The following EML6 variants were observed in gnomAD, a reference collection of about 807,000 sequenced individuals.
The protein encoded by EML6 is EMAP like 6, also known as echinoderm microtubule-associated protein-like 6.
Under a neutral mutation model 240.1 loss-of-function variants are expected in EML6, and 154 were observed. The ratio of observed to expected loss-of-function variants is 0.64; its 90% confidence interval spans 0.56 to 0.73. The LOEUF (loss-of-function observed/expected upper bound fraction) is 0.73, where lower values mean the gene tolerates loss of function less well. Among genes scored for constraint, EML6 ranks in the 30% least tolerant of loss-of-function variants. The probability of loss-of-function intolerance (pLI) is 0.00; values close to 1 mark genes in which losing one functional copy is unlikely to be tolerated. For missense variants in EML6, 2,964 were observed against 2,474.6 expected (o/e 1.20, Z -4.20); for synonymous variants, 1,148 against 899.0 (o/e 1.28, Z -4.95).
chr2:54,863,742 T>G, intron 12 of EML6, 41 bp from the exon 13 acceptor site: 1 of 1,040,338 alleles, frequency 9.6e-7, no homozygotes, highest in South Asian at 1.5e-5. Context: ...GCTCAGAGTC[T>G]CAGAATTTTT....
chr2:54,750,099 G>C (rs1684091606), intron 2 of EML6, among the ~76,000 whole-genome samples: 1 of 152,198 alleles, frequency 6.6e-6, no homozygotes, highest in South Asian at 2.1e-4. Context: ...GCAGGGCCCT[G>C]CCACGGTGAG....
chr2:54,841,903 T>A (rs903005583), intron 7 of EML6, among the ~76,000 whole-genome samples: 1 of 152,144 alleles, frequency 6.6e-6, no homozygotes, highest in East Asian at 1.9e-4. Context: ...ATTTTTTTTT[T>A]AATAGACTTT....
chr2:54,918,539 G>T (rs1674054942), intron 26 of EML6, among the ~76,000 whole-genome samples: 1 of 152,044 alleles, frequency 6.6e-6, no homozygotes, highest in Non-Finnish European at 1.5e-5. Flanking sequence ...TAGAGATGGG[G>T]TCTCACTATA....
chr2:54,861,850 C>G (rs373283463), intron 12 of EML6, among the ~76,000 whole-genome samples: 1 of 150,020 alleles, frequency 6.7e-6, no homozygotes, highest in Admixed American at 6.7e-5. Flanking sequence ...TCCAGATAAA[C>G]GAGCAAGACA....
At chr2:54,952,260 A>G (rs1360076207) in intron 30 of EML6, among the ~76,000 whole-genome samples, 1 of 152,128 alleles carries the variant, frequency 6.6e-6, no homozygotes, top group Non-Finnish European at 1.5e-5. Flanking sequence ...CATGGAGTGG[A>G]GGAGACTTTG....
rs988227191 is a variant in EML6, at chr2:54,859,534, G to C, written c.1658G>C (p.Gly553Ala). The C allele has an allele frequency of 2.6e-6, 4 of 1,547,348 alleles. No individual in the cohort carries two copies. The highest frequency in any genetic ancestry group is 3.5e-6 in the Non-Finnish European group (4 of 1,145,808). Residue 553 changes from glycine (G) to alanine (A), a missense_variant and splice_region_variant, in exon 12 of 42, where the codon GGA becomes GCA. Physicochemically the swap from Gly to Ala is moderately conservative, Grantham distance 60. Coordinates refer to ENST00000356458, the MANE Select transcript of EML6 (RefSeq NM_001039753.4). ...ATCCTCTCAAAAAATATTCTTTCAG[G>C]AGCCAAATTTAGAAAGTATGTGGGC... ...KLFKFPCLKR[G>A]AKFRKYVGHS... is the part of the protein sequence containing the mutation.
At chr2:54,891,205 TG>T in intron 18 of EML6, 51 bp downstream of exon 18, 3 of 943,578 alleles carry the variant, frequency 3.2e-6, no homozygotes, top group Non-Finnish European at 4.8e-6. Context: ...TTACCCTAGC[TG>T]GAAAGAAAAA....
In EML6 at chr2:54,910,984, G is replaced by A. The variant is rs1558677585; in HGVS notation, c.3440G>A (p.Arg1147Lys). ...GKLLQVNSGA[R>K]EQLFFEAPRG... is the part of the protein sequence containing the mutation. ...TTATTGCAAGTGAATTCAGGTGCCA[G>A]AGAACAACTTTTTTTTGAAGCTCCA... Residue 1147 changes from arginine (R) to lysine (K), a missense_variant, in exon 25 of 42, where the codon AGA (arginine) becomes AAA (lysine). Coordinates refer to ENST00000356458, the MANE Select transcript of EML6 (RefSeq NM_001039753.4). 2.0e-6 allele frequency: 3 copies of A among 1,537,944 alleles called. No individual in the cohort carries two copies.
At chr2:54,887,557 A>G (rs1672216352) in intron 17 of EML6, among the ~76,000 whole-genome samples, 3 of 152,060 alleles carry the variant, frequency 2.0e-5, no homozygotes, top group Admixed American at 2.0e-4. Context: ...TTGCTTTAAG[A>G]TTTTTGTATT....
Position 54,911,012 on chromosome 2 carries a change from A to G in EML6, c.3468A>G (p.Arg1156=). The G allele has an allele frequency of 6.5e-7, 1 of 1,539,742 alleles. No individual in the cohort carries two copies. Among genetic ancestry groups the G allele is most frequent in the South Asian group, 1.2e-5 (1 of 82,778 alleles). ...AREQLFFEAP[R]GKRHIIRPSE... ...AACAACTTTTTTTTGAAGCTCCAAG[A>G]GGCAAACGGCATATAATAAGACCTT... Residue 1156 remains arginine, a synonymous_variant, in exon 25 of 42, where the codon AGA becomes AGG. Transcript: ENST00000356458.
Position 54,948,928 on chromosome 2 carries a change from A to G in EML6, c.4051A>G (p.Asn1351Asp), listed in dbSNP as rs576026608. The change falls in exon 29 of 42, where the codon AAC becomes GAC. Residue 1351 changes from asparagine to aspartate, a missense_variant. Coordinates refer to ENST00000356458, the MANE Select transcript of EML6 (RefSeq NM_001039753.4). ...AAPQPEKLQK[N>D]NITKKKKLVE... is the part of the protein sequence containing the mutation. ...TCCCCAGCCTGAGAAACTGCAGAAG[A>G]ACAATATCACCAAAAAAAAGAAACT... is the stretch of plus-strand genomic sequence containing the variant. 23 of 1,551,422 alleles carry G rather than the reference A, an allele frequency of 1.5e-5. No individual in the cohort carries two copies. The highest frequency in any genetic ancestry group is 1.9e-5 in the Non-Finnish European group (22 of 1,146,972).
In EML6 at chr2:54,827,678, C is replaced by G. The variant is rs1204679652; in HGVS notation, c.638C>G (p.Ser213Cys). 2 of 1,551,458 alleles carry G rather than the reference C, an allele frequency of 1.3e-6. No individual in the cohort carries two copies. Among genetic ancestry groups the G allele is most frequent in the South Asian group, 1.2e-5 (1 of 84,060 alleles). The change falls in exon 6 of 42, where the codon TCT becomes TGT. Residue 213 changes from serine to cysteine, a missense_variant. Coordinates refer to ENST00000356458, the MANE Select transcript of EML6 (RefSeq NM_001039753.4). ...TGTGCCAAAGAAGACATCACCTACT[C>G]TGGTGCTTTAAATGGTGACATCTAT... is the stretch of plus-strand genomic sequence containing the variant. ...LACAKEDITY[S>C]GALNGDIYVW...
chr2:54,766,944 T>C (rs921282951), intron 2 of EML6, among the ~76,000 whole-genome samples: 1 of 152,204 alleles, frequency 6.6e-6, no homozygotes. Flanking sequence ...TGAATACTTT[T>C]CATGATGGAT....
intron 30 of EML6, among the ~76,000 whole-genome samples, chr2:54,952,176 AG>A (rs1676013887): frequency 6.6e-6 from 1 of 152,308 alleles, no homozygotes; most frequent in South Asian, 2.1e-4. Context: ...CATTTTGCTC[AG>A]TAAAGCATCA....
intron 11 of EML6, among the ~76,000 whole-genome samples, chr2:54,855,262 A>T (rs1221228767): frequency 6.6e-6 from 1 of 152,028 alleles, no homozygotes; most frequent in Non-Finnish European, 1.5e-5. Context: ...GGAAACTTAC[A>T]ATCATGGCAG....
intron 24 of EML6, among the ~76,000 whole-genome samples, chr2:54,910,235 A>G (rs1031047245): frequency 2.6e-5 from 4 of 152,224 alleles, no homozygotes; most frequent in African/African-American, 7.2e-5. Context: ...AAAAATGGCA[A>G]AAATACTGGA....
chr2:54,796,890 G>T (rs533933164), intron 2 of EML6, among the ~76,000 whole-genome samples: 1 of 152,032 alleles, frequency 6.6e-6, no homozygotes, highest in Admixed American at 6.6e-5. Flanking sequence ...ACAAGGCGGG[G>T]ATCCTTTAAA....
At chr2:54,818,680 CTG>C (rs1218539910) in intron 4 of EML6, among the ~76,000 whole-genome samples, 4 of 152,182 alleles carry the variant, frequency 2.6e-5, no homozygotes, top group African/African-American at 9.7e-5. Context: ...GTTTCAGTGA[CTG>C]TGCATGTGCT....
chr2:54,882,191 T>A (rs919471823), intron 17 of EML6: 2 of 152,198 alleles, frequency 1.3e-5, no homozygotes, highest in Non-Finnish European at 2.9e-5. Context: ...ATCCGATCTG[T>A]TTAAACAATT....
Sources: gnomAD v4.1 joint callset for allele counts (sites outside exome capture counted in the v4.1 genomes callset) on GRCh38, gnomAD v4.1.1 for gene constraint, MANE v1.5 for transcripts, NCBI Gene and HGNC (gene_info 2026-07-23, HGNC 2026-07-21) for gene names.